Variants in FBLN1 observed in about 807,000 individuals in gnomAD.
FBLN1 encodes fibulin-1.
FBLN1 carries 34 observed loss-of-function variants against 89.7 expected under a neutral mutation model. The observed-to-expected ratio is 0.38, with a 90% CI of 0.29 to 0.50. The LOEUF is 0.50. Ranked by LOEUF, FBLN1 falls within the 20% of genes least tolerant of loss-of-function variation. The pLI is 0.92. For synonymous variants in FBLN1, 393 were observed against 391.3 expected (o/e 1.00, Z -0.05); for missense variants, 777 against 988.1 (o/e 0.79, Z 2.86).
chr22:45,586,670 G>A (rs2089088938), intron 16 of FBLN1, among the ~76,000 whole-genome samples: 1 of 152,218 alleles, frequency 6.6e-6, no homozygotes, highest in Non-Finnish European at 1.5e-5. Flanking sequence ...GAGCCATCAG[G>A]GACTGCAAAT....
rs543266963 is a variant in FBLN1, at chr22:45,556,561, G to A, written c.1697+5946G>A. On this transcript the variant is annotated intron_variant, in intron 14 of 16. Coordinates refer to ENST00000327858, the MANE Select transcript of FBLN1 (RefSeq NM_006486.3). The surrounding 1 kb of genome is among the most constrained non-coding windows in gnomAD (Gnocchi z 4.6). ...GTTTCCCATTGACCTTAATCACAGG[G>A]CATGGTAATACTGAGAGATGCCCTA... Among the ~76,000 whole-genome samples, 1 of 152,148 alleles carries A rather than the reference G, an allele frequency of 6.6e-6. No homozygotes were observed. Among genetic ancestry groups the A allele is most frequent in the Non-Finnish European group, 1.5e-5 (1 of 68,002 alleles).
At chr22:45,584,665 G>A (rs1294673802) in intron 16 of FBLN1, among the ~76,000 whole-genome samples, 1 of 152,200 alleles carries the variant, frequency 6.6e-6, no homozygotes, top group African/African-American at 2.4e-5. Context: ...GGTCTAGTCT[G>A]GAGGATAAAT....
chr22:45,572,957 T>C lies in FBLN1; in HGVS notation c.1698-1554T>C, dbSNP rs1255213373. On this transcript the variant is annotated intron_variant, in intron 14 of 16. Transcript: ENST00000327858. This position sits in a 1 kb window ranked among gnomAD's most constrained non-coding sequence, Gnocchi z 5.8. Reference sequence around the variant, plus strand: ...GGAAAATAAAGGAGGCCGGGCACGTTGGCTCACGCCTGTAATCCCAACACT... The same window carrying C: ...GGAAAATAAAGGAGGCCGGGCACGTCGGCTCACGCCTGTAATCCCAACACT... Among the ~76,000 whole-genome samples the C allele has an allele frequency of 1.3e-5, 2 of 152,254 alleles. No individual in the cohort carries two copies. Among genetic ancestry groups the C allele is most frequent in the Admixed American group, 1.3e-4 (2 of 15,282 alleles).
chr22:45,568,268 AC>A (rs2088915028), intron 14 of FBLN1, among the ~76,000 whole-genome samples: 1 of 152,260 alleles, frequency 6.6e-6, no homozygotes, highest in African/African-American at 2.4e-5. Flanking sequence ...AGTTTCTATA[AC>A]AAAGTACCAT....
chr22:45,551,523 C>T (rs560826132), intron 14 of FBLN1, among the ~76,000 whole-genome samples: 2 of 152,356 alleles, frequency 1.3e-5, no homozygotes, highest in South Asian at 2.1e-4. Context: ...CGAGCAGCCC[C>T]GTTGTCCCTG....
rs2088634840 is a variant in FBLN1 at position 45,546,847 on chromosome 22, A to G, written c.1322-238A>G. On this transcript the variant is annotated intron_variant, in intron 11 of 16. Transcript: ENST00000327858. The stretch of plus-strand genomic sequence containing the variant: ...CTTCCAGGGGCCAAGGCTGGAGGCG[A>G]TCGCTGCCATCCTGGCAGGAGAAGT... Among the ~76,000 whole-genome samples the G allele has an allele frequency of 2.0e-5, 3 of 152,320 alleles. No individual in the cohort carries two copies. In the South Asian group the frequency reaches 6.2e-4, roughly 32 times the overall value.
At chr22:45,539,142 C>T (rs2088521321) in intron 8 of FBLN1, among the ~76,000 whole-genome samples, 1 of 127,882 alleles carries the variant, frequency 7.8e-6, no homozygotes, top group Non-Finnish European at 1.7e-5. Context: ...CACTTCCCTC[C>T]TCCCCCTCCT....
chr22:45,504,309 G>A (rs992193531), intron 1 of FBLN1, among the ~76,000 whole-genome samples: 1 of 152,172 alleles, frequency 6.6e-6, no homozygotes, highest in Non-Finnish European at 1.5e-5. Flanking sequence ...GATTGTTCAG[G>A]CGGTGCTGGG....
Position 45,563,472 on chromosome 22 carries a change from G to T in FBLN1, c.1698-11039G>T, listed in dbSNP as rs1441161402. The T allele has an allele frequency of 9.1e-7, 1 of 1,093,356 alleles. No homozygotes were observed. The highest frequency in any genetic ancestry group is 2.6e-5 in the East Asian group (1 of 38,242). 67.7% of individuals were successfully genotyped at this position (1,093,356 alleles called of 1,614,324 possible). On this transcript the variant is annotated intron_variant, in intron 14 of 16. Coordinates refer to ENST00000327858, the MANE Select transcript of FBLN1 (RefSeq NM_006486.3). This position sits in a 1 kb window ranked among gnomAD's most constrained non-coding sequence, Gnocchi z 5.7. ...CTGGTACCCCCGAGGGCTGACTGAG[G>T]AGCGCTCCCCACTAGAGGGTGTGTG...
rs1397586398 is a variant in FBLN1, at chr22:45,590,786, G to A, written c.1973-9521G>A. 2.0e-5 allele frequency among the ~76,000 whole-genome samples: 3 copies of A among 152,166 alleles called. No individual in the cohort carries two copies. In the South Asian group the frequency reaches 6.2e-4, roughly 32 times the overall value. On this transcript the variant is annotated intron_variant, in intron 16 of 16. Coordinates refer to ENST00000327858, the MANE Select transcript of FBLN1 (RefSeq NM_006486.3). The surrounding 1 kb of genome is among the most constrained non-coding windows in gnomAD (Gnocchi z 4.1). ...AGGGCGACTCCAAGTTCCTGGCTTG[G>A]GGGTACCTGCCTGGAGAGTGAGGGG...
chr22:45,540,566 G>A (rs992988517), intron 8 of FBLN1, among the ~76,000 whole-genome samples: 8 of 152,188 alleles, frequency 5.3e-5, no homozygotes, highest in African/African-American at 1.7e-4. Context: ...TAGATGCTTA[G>A]GTCCTTTTCC....
intron 14 of FBLN1, among the ~76,000 whole-genome samples, chr22:45,568,233 G>A (rs1411825755): frequency 6.6e-6 from 1 of 152,236 alleles, no homozygotes; most frequent in Non-Finnish European, 1.5e-5. Flanking sequence ...CAACCCAAAA[G>A]CATCAAGGTC....
Position 45,550,466 on chromosome 22 carries a change from C to T in FBLN1, c.1574-26C>T. On this transcript the variant is annotated intron_variant, in intron 13 of 16. Transcript: ENST00000327858. The surrounding 1 kb of genome is among the most constrained non-coding windows in gnomAD (Gnocchi z 8.4). ...ATGGCTCCTGCAGCCTCTGCCTTCA[C>T]TGTGCTGCTGTGGGGTCTCTTGCAG... 6.2e-7 allele frequency: 1 copy of T among 1,613,746 alleles called. No individual in the cohort carries two copies. The highest frequency in any genetic ancestry group is 8.5e-7 in the Non-Finnish European group (1 of 1,179,932).
intron 16 of FBLN1, among the ~76,000 whole-genome samples, chr22:45,585,592 C>A (rs1299376623): frequency 6.6e-6 from 1 of 152,228 alleles, no homozygotes; most frequent in Non-Finnish European, 1.5e-5. Context: ...CTGGGAGACA[C>A]AGCCCTGTCA....
At chr22:45,569,239 A>T (rs2088930349) in intron 14 of FBLN1, among the ~76,000 whole-genome samples, 1 of 152,132 alleles carries the variant, frequency 6.6e-6, no homozygotes, top group Non-Finnish European at 1.5e-5. Flanking sequence ...AATCCCTAAT[A>T]CCTCTAAAGT....
chr22:45,594,246 G>C (rs1243183776), intron 16 of FBLN1, among the ~76,000 whole-genome samples: 1 of 152,168 alleles, frequency 6.6e-6, no homozygotes, highest in Non-Finnish European at 1.5e-5. Context: ...TGGTGGTTCT[G>C]AAAGAACAGT....
chr22:45,575,862 C>A lies in FBLN1; in HGVS notation c.1841-1115C>A, dbSNP rs1284529058. ...CCCCGCCCTCTAGGGAGTCCCTATC[C>A]CTGGCCTGCGGAGAAGCATGCCATG... On this transcript the variant is annotated intron_variant, in intron 15 of 16. Coordinates refer to ENST00000327858, the MANE Select transcript of FBLN1 (RefSeq NM_006486.3). The surrounding 1 kb of genome is among the most constrained non-coding windows in gnomAD (Gnocchi z 6.3). Among the ~76,000 whole-genome samples, 2 of 152,190 alleles carry A rather than the reference C, an allele frequency of 1.3e-5. No individual in the cohort carries two copies. Among genetic ancestry groups the A allele is most frequent in the Admixed American group, 6.5e-5 (1 of 15,294 alleles).
intron 1 of FBLN1, among the ~76,000 whole-genome samples, chr22:45,510,337 A>G (rs2088082903): frequency 1.3e-5 from 2 of 152,152 alleles, no homozygotes; most frequent in Non-Finnish European, 2.9e-5. Context: ...AAATTTTGCC[A>G]GAGCAATGCC....
At position 45,568,486 on chromosome 22, in the gene FBLN1, T is replaced by C. The variant is rs528105804; in HGVS notation, c.1698-6025T>C. ...GGGGAGTGCTCCTTCTGTAGGGGAA[T>C]GCCTCTTCTGTAGGGGAGTGCTCCT... On this transcript the variant is annotated intron_variant, in intron 14 of 16. Coordinates refer to ENST00000327858, the MANE Select transcript of FBLN1 (RefSeq NM_006486.3). Among the ~76,000 whole-genome samples the C allele has an allele frequency of 5.7e-5, 7 of 123,786 alleles. No homozygotes were observed. In the South Asian group the frequency reaches 1.9e-3, roughly 34 times the overall value. The allele number at this position is 123,786 out of a possible 152,430, so 81.2% of individuals were successfully genotyped here. A position where few individuals can be genotyped will look rare whatever the true frequency, so the allele number is the denominator to read the frequency against.
Sources: gnomAD v4.1 joint callset for allele counts (sites outside exome capture counted in the v4.1 genomes callset) on GRCh38, gnomAD v4.1.1 for gene constraint, Gnocchi (gnomAD v3.1) non-coding constraint, MANE v1.5 for transcripts, NCBI Gene and HGNC (gene_info 2026-07-23, HGNC 2026-07-21) for gene names.